The following MARCHF11 variants were observed in gnomAD, a reference collection of about 807,000 sequenced individuals.
MARCHF11 encodes membrane associated ring-CH-type finger 11, also known as E3 ubiquitin-protein ligase MARCHF11.
A neutral mutation model predicts 37.3 loss-of-function variants in MARCHF11; 29 were observed. The observed-to-expected ratio is 0.78, with a 90% CI of 0.58 to 1.06. MARCHF11 has a LOEUF of 1.06. MARCHF11 is among the 50% of genes least tolerant of loss of function. MARCHF11 has a pLI of 0.00. For missense variants in MARCHF11, 482 were observed against 533.4 expected (o/e 0.90, Z 0.95); for synonymous variants, 233 against 228.0 (o/e 1.02, Z -0.20).
chr5:16,110,978 G>T (rs1015779674), intron 2 of MARCHF11, among the ~76,000 whole-genome samples: 1 of 152,164 alleles, frequency 6.6e-6, no homozygotes, highest in African/African-American at 2.4e-5. Context: ...GTTTTATAAG[G>T]GGAAATTCCT....
At chr5:16,117,728 A>G (rs1737244792) in intron 2 of MARCHF11, among the ~76,000 whole-genome samples, 2 of 152,232 alleles carry the variant, frequency 1.3e-5, no homozygotes, top group South Asian at 4.1e-4. Flanking sequence ...ATCTCAAAAA[A>G]AGGCAAAAAC....
intron 2 of MARCHF11, among the ~76,000 whole-genome samples, chr5:16,107,041 T>A (rs1216855867): frequency 6.6e-6 from 1 of 152,218 alleles, no homozygotes; most frequent in Non-Finnish European, 1.5e-5. Context: ...GGGCCCTGGC[T>A]GCAGGTGAGG....
At chr5:16,169,505 G>T (rs1215403704) in intron 2 of MARCHF11, among the ~76,000 whole-genome samples, 2 of 152,078 alleles carry the variant, frequency 1.3e-5, no homozygotes, top group Non-Finnish European at 2.9e-5. Flanking sequence ...CCACTCCTAA[G>T]GGAAGGATGG....
At chr5:16,092,236 A>G (rs1488080308) in intron 2 of MARCHF11, among the ~76,000 whole-genome samples, 1 of 152,172 alleles carries the variant, frequency 6.6e-6, no homozygotes, top group Non-Finnish European at 1.5e-5. Context: ...CCATAAATAA[A>G]TAATTTACAT....
chr5:16,106,896 G>C (rs924041296), intron 2 of MARCHF11, among the ~76,000 whole-genome samples: 6 of 152,056 alleles, frequency 3.9e-5, no homozygotes, highest in African/African-American at 1.2e-4. Context: ...TTGGATTGTG[G>C]GTGTTCTGAT....
chr5:16,146,943 T>TA (rs948352145), intron 2 of MARCHF11, among the ~76,000 whole-genome samples: 1 of 152,072 alleles, frequency 6.6e-6, no homozygotes, highest in Non-Finnish European at 1.5e-5. Flanking sequence ...CTAAAAATCT[T>TA]AAAGAGACTG....
At chr5:16,107,652 CT>C (rs1283700211) in intron 2 of MARCHF11, among the ~76,000 whole-genome samples, 4 of 152,084 alleles carry the variant, frequency 2.6e-5, no homozygotes, top group African/African-American at 9.7e-5. Context: ...AACAGGCATT[CT>C]TGTTTTTGTG....
Position 16,140,721 on chromosome 5 carries a change from C to A in MARCHF11, c.693+37005G>T, listed in dbSNP as rs967888815. Among the ~76,000 whole-genome samples, 10 of 152,206 alleles carry A rather than the reference C, an allele frequency of 6.6e-5. No homozygotes were observed. The South Asian group carries it at 1.7e-3, about 25-fold the overall frequency. ...AAATCTTAAACTAAATCTATGCAAA[C>A]AAAATTGTGCAACACTGTTCAACAT... On this transcript the variant is annotated intron_variant, in intron 2 of 3. Transcript: ENST00000332432.
chr5:16,111,724 A>G (rs1167788708), intron 2 of MARCHF11, among the ~76,000 whole-genome samples: 1 of 152,208 alleles, frequency 6.6e-6, no homozygotes, highest in Non-Finnish European at 1.5e-5. Context: ...GCAAGACAAT[A>G]GGGAAAATGT....
intron 2 of MARCHF11, among the ~76,000 whole-genome samples, chr5:16,113,099 C>T (rs756286481): frequency 8.6e-5 from 13 of 152,044 alleles, no homozygotes; most frequent in Non-Finnish European, 1.8e-4. Flanking sequence ...TAATACATTG[C>T]CAATACCACT....
chr5:16,170,100 CAA>C (rs1738234238), intron 2 of MARCHF11, among the ~76,000 whole-genome samples: 2 of 152,054 alleles, frequency 1.3e-5, no homozygotes, highest in Admixed American at 6.5e-5. Flanking sequence ...AACTGCTCAT[CAA>C]AAAAGTCACC....
At chr5:16,172,712 C>T (rs1738290666) in intron 2 of MARCHF11, among the ~76,000 whole-genome samples, 1 of 152,162 alleles carries the variant, frequency 6.6e-6, no homozygotes, top group African/African-American at 2.4e-5. Context: ...TCAGCTACAT[C>T]CTACTAACAA....
chr5:16,139,443 G>C (rs116724311), intron 2 of MARCHF11, among the ~76,000 whole-genome samples: 1 of 152,014 alleles, frequency 6.6e-6, no homozygotes, highest in African/African-American at 2.4e-5. Context: ...ACCCAGTCTC[G>C]GGTATGTCTT....
intron 2 of MARCHF11, among the ~76,000 whole-genome samples, chr5:16,175,997 G>A (rs1276105195): frequency 6.6e-6 from 1 of 152,120 alleles, no homozygotes; most frequent in Non-Finnish European, 1.5e-5. Context: ...CACAGTTTGG[G>A]AGTTACTTTT....
intron 2 of MARCHF11, among the ~76,000 whole-genome samples, chr5:16,169,812 C>T (rs1404021060): frequency 2.6e-5 from 4 of 152,248 alleles, no homozygotes; most frequent in South Asian, 2.1e-4. Context: ...ACTCATCAGT[C>T]CATTCCCTGC....
chr5:16,111,009 T>A (rs985820769), intron 2 of MARCHF11, among the ~76,000 whole-genome samples: 1 of 152,238 alleles, frequency 6.6e-6, no homozygotes, highest in Non-Finnish European at 1.5e-5. Flanking sequence ...TCTCATTCTG[T>A]CTCTTGCCTG....
At chr5:16,143,638 A>G (rs772608143) in intron 2 of MARCHF11, among the ~76,000 whole-genome samples, 4 of 152,250 alleles carry the variant, frequency 2.6e-5, no homozygotes, top group Non-Finnish European at 4.4e-5. Flanking sequence ...CAACTAACAA[A>G]GGCATTTTTT....
At chr5:16,097,993 T>G (rs571290534) in intron 2 of MARCHF11, among the ~76,000 whole-genome samples, 36 of 152,306 alleles carry the variant, frequency 2.4e-4, no homozygotes, top group African/African-American at 8.4e-4. Flanking sequence ...CAGTGCAGCA[T>G]GAGTGAGTGA....
At chr5:16,127,055 T>A (rs1737420883) in intron 2 of MARCHF11, among the ~76,000 whole-genome samples, 3 of 152,178 alleles carry the variant, frequency 2.0e-5, no homozygotes, top group Admixed American at 6.5e-5. Flanking sequence ...GGTGATAAAG[T>A]AGCATATCTA....
Sources: allele counts gnomAD v4.1 joint callset (sites outside exome capture counted in the v4.1 genomes callset), GRCh38; gene constraint gnomAD v4.1.1; transcripts MANE v1.5; gene names NCBI Gene and HGNC (gene_info 2026-07-23, HGNC 2026-07-21).